The following ARB2A variants were observed in gnomAD, a reference collection of about 807,000 sequenced individuals.
The protein encoded by ARB2A is ARB2 cotranscriptional regulator A.
chr5:93,749,972 C>T, the ARB2A span, among the ~76,000 whole-genome samples: 1 of 152,182 alleles, frequency 6.6e-6, no homozygotes, highest in Non-Finnish European at 1.5e-5. Flanking sequence ...CATTCTCTCA[C>T]TAGGAGCAGA....
the ARB2A span, among the ~76,000 whole-genome samples, chr5:93,748,999 A>C: frequency 6.6e-6 from 1 of 151,572 alleles, no homozygotes. Flanking sequence ...TGCACTTTCA[A>C]TGTTGTGAAA....
the ARB2A span, among the ~76,000 whole-genome samples, chr5:93,878,594 C>T: frequency 1.3e-5 from 2 of 151,776 alleles, no homozygotes; most frequent in Admixed American, 1.3e-4. Context: ...AAATTTGGAT[C>T]AGTATTAGTC....
At chr5:93,665,678 T>C in the ARB2A span, among the ~76,000 whole-genome samples, 1 of 152,210 alleles carries the variant, frequency 6.6e-6, no homozygotes, top group African/African-American at 2.4e-5. Context: ...TTAGAGTTTA[T>C]TTAACACAGA....
At chr5:93,949,941 CA>C in the ARB2A span, among the ~76,000 whole-genome samples, 1 of 152,136 alleles carries the variant, frequency 6.6e-6, no homozygotes, top group East Asian at 1.9e-4. Flanking sequence ...AATTTGTTCT[CA>C]AATAAGTGAG....
At chr5:93,894,708 T>C in the ARB2A span, among the ~76,000 whole-genome samples, 1 of 152,154 alleles carries the variant, frequency 6.6e-6, no homozygotes, top group Non-Finnish European at 1.5e-5. Flanking sequence ...CTGCATTGTG[T>C]GCACTTGTAA....
the ARB2A span, among the ~76,000 whole-genome samples, chr5:93,975,197 G>A: frequency 2.0e-5 from 3 of 151,400 alleles, no homozygotes; most frequent in African/African-American, 4.9e-5. Flanking sequence ...GCACCTTGTA[G>A]TCCCAGCTAC....
the ARB2A span, among the ~76,000 whole-genome samples, chr5:93,780,572 T>C: frequency 2.0e-5 from 3 of 151,946 alleles, no homozygotes; most frequent in East Asian, 1.9e-4. Context: ...TTTCTCTCTT[T>C]CTTTCTTTTG....
the ARB2A span, among the ~76,000 whole-genome samples, chr5:93,795,715 G>A: frequency 6.6e-6 from 1 of 152,038 alleles, no homozygotes; most frequent in Admixed American, 6.6e-5. Context: ...AGATCAAGTA[G>A]GTTTTTCTTA....
chr5:93,874,767 T>C, the ARB2A span, among the ~76,000 whole-genome samples: 1 of 152,090 alleles, frequency 6.6e-6, no homozygotes, highest in African/African-American at 2.4e-5. Flanking sequence ...TTTAGGCAGA[T>C]AATGTTAGAA....
At chr5:93,860,085 G>C in the ARB2A span, among the ~76,000 whole-genome samples, 2 of 152,120 alleles carry the variant, frequency 1.3e-5, no homozygotes. Context: ...ACGAGGTCAG[G>C]AGTTTGAGCC....
the ARB2A span, among the ~76,000 whole-genome samples, chr5:94,057,296 A>G: frequency 2.7e-5 from 4 of 147,976 alleles, no homozygotes; most frequent in Non-Finnish European, 5.9e-5. Flanking sequence ...CAAATATTAT[A>G]TATTATATGA....
At chr5:93,926,255 G>A in the ARB2A span, among the ~76,000 whole-genome samples, 54 of 151,776 alleles carry the variant, frequency 3.6e-4, no homozygotes, top group Admixed American at 9.8e-4. Context: ...TCAGTCTCCC[G>A]AGTAGCTGGG....
the ARB2A span, among the ~76,000 whole-genome samples, chr5:93,998,625 G>C: frequency 6.6e-6 from 1 of 151,944 alleles, no homozygotes; most frequent in Admixed American, 6.6e-5. Flanking sequence ...AACATAAAAG[G>C]TTAATTTTAA....
the ARB2A span, among the ~76,000 whole-genome samples, chr5:93,764,598 C>G: frequency 6.6e-6 from 1 of 152,140 alleles, no homozygotes; most frequent in Non-Finnish European, 1.5e-5. Context: ...AGATTCACAG[C>G]CGAACTCTAC....
chr5:93,972,901 C>A, the ARB2A span, among the ~76,000 whole-genome samples: 1 of 125,026 alleles, frequency 8.0e-6, no homozygotes, highest in Non-Finnish European at 1.7e-5. Context: ...CATAGGGAGA[C>A]CTTGTCTCTT....
At chr5:93,897,562 T>C in the ARB2A span, among the ~76,000 whole-genome samples, 29 of 151,992 alleles carry the variant, frequency 1.9e-4, no homozygotes, top group Non-Finnish European at 3.7e-4. Flanking sequence ...TACACAGTTT[T>C]AAGCTTAAAA....
the ARB2A span, among the ~76,000 whole-genome samples, chr5:94,078,205 T>C: frequency 4.4e-4 from 67 of 152,272 alleles, no homozygotes; most frequent in Non-Finnish European, 7.9e-4. Context: ...TTGATGAAAG[T>C]ACAAAATATA....
the ARB2A span, among the ~76,000 whole-genome samples, chr5:93,779,874 T>C: frequency 6.6e-6 from 1 of 152,198 alleles, no homozygotes; most frequent in Non-Finnish European, 1.5e-5. Context: ...GCTATTGATA[T>C]GGATTAGAAA....
At chr5:93,773,467 T>C in the ARB2A span, among the ~76,000 whole-genome samples, 5 of 152,210 alleles carry the variant, frequency 3.3e-5, no homozygotes, top group African/African-American at 9.6e-5. Context: ...TAGCATACTA[T>C]GATCACCTAA....
Sources: gnomAD v4.1 joint callset for allele counts (sites outside exome capture counted in the v4.1 genomes callset) on GRCh38, gnomAD v4.1.1 for gene constraint, MANE v1.5 for transcripts, NCBI Gene and HGNC (gene_info 2026-07-23, HGNC 2026-07-21) for gene names.